CFAP20DC: variants seen among roughly 807,000 people sequenced by gnomAD.
CFAP20DC encodes protein CFAP20DC.
CFAP20DC carries 84 observed loss-of-function variants against 101.7 expected under a neutral mutation model. The ratio of observed to expected loss-of-function variants is 0.83; its 90% CI spans 0.69 to 0.99. The LOEUF (loss-of-function observed/expected upper bound fraction) is 0.99, where lower values mean the gene tolerates loss of function less well. Ranked by LOEUF, CFAP20DC falls within the 50% of genes least tolerant of loss-of-function variation. CFAP20DC has a pLI of 0.00. For missense variants in CFAP20DC, 1,007 were observed against 970.3 expected (o/e 1.04, Z -0.50); for synonymous variants, 359 against 351.2 (o/e 1.02, Z -0.25).
In CFAP20DC at chr3:59,049,685, T is replaced by A. The variant is rs1354858673; in HGVS notation, c.-54A>T. On this transcript the variant is annotated 5_prime_UTR_variant, in exon 1 of 17. Coordinates refer to ENST00000482387, the MANE Select transcript of CFAP20DC (RefSeq NM_001394063.1). ...CACAGAGTTCAGGGTTTCCAGCGAG[T>A]GGCGTGACCCTGACGGCTGGAAATC... The A allele has an allele frequency of 3.3e-6, 5 of 1,530,532 alleles. No homozygotes were observed. The African/African-American group carries it at 6.9e-5, about 21-fold the overall frequency. 94.8% of individuals were successfully genotyped at this position (1,530,532 alleles called of 1,614,324 possible). A position where few individuals can be genotyped will look rare whatever the true frequency, so the allele number is the denominator to read the frequency against.
chr3:59,003,970 A>G (rs2093372822), intron 4 of CFAP20DC, among the ~76,000 whole-genome samples: 1 of 152,180 alleles, frequency 6.6e-6, no homozygotes, highest in Non-Finnish European at 1.5e-5. Context: ...TCTCTTTGTG[A>G]AACATACCTA....
intron 12 of CFAP20DC, among the ~76,000 whole-genome samples, chr3:58,853,179 A>C (rs1213024604): frequency 6.6e-6 from 1 of 152,188 alleles, no homozygotes; most frequent in Non-Finnish European, 1.5e-5. Flanking sequence ...AGAAATACAA[A>C]CTACCATCAG....
intron 4 of CFAP20DC, among the ~76,000 whole-genome samples, chr3:58,979,509 T>A (rs1472693948): frequency 6.6e-6 from 1 of 152,198 alleles, no homozygotes; most frequent in African/African-American, 2.4e-5. Context: ...CCTTTGTTAA[T>A]CCAGCTTTCC....
chr3:58,773,670 AAC>A (rs2071062084), intron 15 of CFAP20DC, among the ~76,000 whole-genome samples: 1 of 152,376 alleles, frequency 6.6e-6, no homozygotes, highest in South Asian at 2.1e-4. Context: ...TTGCATAAAT[AAC>A]AGTTACTTTA....
rs1173268936 is a variant in CFAP20DC at position 58,980,168 on chromosome 3, G to C, written c.279-42406C>G. On this transcript the variant is annotated intron_variant, in intron 4 of 16. Coordinates refer to ENST00000482387, the MANE Select transcript of CFAP20DC (RefSeq NM_001394063.1). ...AATGCCATTGGCTTCCCACTACCGAGCTTGATAGCTCTTAATGCCTCTGTC... is the reference window on the plus strand; with the variant it reads ...AATGCCATTGGCTTCCCACTACCGACCTTGATAGCTCTTAATGCCTCTGTC... Among the ~76,000 whole-genome samples, 5 of 152,092 alleles carry C rather than the reference G, an allele frequency of 3.3e-5. No homozygotes were observed. The East Asian group carries it at 9.6e-4, about 29-fold the overall frequency.
rs994987183 is a variant in CFAP20DC, at chr3:58,858,403, C to T, written c.1593+5155G>A. On this transcript the variant is annotated intron_variant, in intron 12 of 16. Transcript: ENST00000482387. ...TGCTGAACTACATTTCTTAAAAGGACATGCAGATGGGCATTTAGACAATAA... is the reference window on the plus strand; with the variant it reads ...TGCTGAACTACATTTCTTAAAAGGATATGCAGATGGGCATTTAGACAATAA... 1.3e-5 allele frequency among the ~76,000 whole-genome samples: 2 copies of T among 152,270 alleles called. 1 individual carries two copies. The highest frequency in any genetic ancestry group is 4.1e-4 in the South Asian group (2 of 4,828).
chr3:58,974,044 A>C (rs2092119929), intron 4 of CFAP20DC, among the ~76,000 whole-genome samples: 1 of 152,032 alleles, frequency 6.6e-6, no homozygotes, highest in African/African-American at 2.4e-5. Flanking sequence ...GGAGCGGGCT[A>C]CCTCCCAGGA....
At chr3:58,808,602 G>A (rs2074324579) in intron 14 of CFAP20DC, among the ~76,000 whole-genome samples, 1 of 152,172 alleles carries the variant, frequency 6.6e-6, no homozygotes, top group African/African-American at 2.4e-5. Flanking sequence ...ACCAGCCACT[G>A]CAAAATCATG....
chr3:58,763,985 A>G (rs1323267974), intron 15 of CFAP20DC, among the ~76,000 whole-genome samples: 2 of 152,200 alleles, frequency 1.3e-5, no homozygotes, highest in African/African-American at 4.8e-5. Context: ...CTCAGGGGTC[A>G]GGGACCCACT....
intron 11 of CFAP20DC, among the ~76,000 whole-genome samples, chr3:58,865,263 G>T (rs559586467): frequency 2.6e-5 from 4 of 151,854 alleles, no homozygotes; most frequent in African/African-American, 9.7e-5. Context: ...AGCCTACAAT[G>T]CAAAAGCAAA....
At chr3:58,845,766 A>C (rs1452808453) in intron 13 of CFAP20DC, among the ~76,000 whole-genome samples, 5 of 149,952 alleles carry the variant, frequency 3.3e-5, no homozygotes, top group Non-Finnish European at 6.0e-5. Context: ...AATCCTCAAT[A>C]AAATACTGGC....
At chr3:58,808,331 A>T (rs534145000) in intron 14 of CFAP20DC, among the ~76,000 whole-genome samples, 18 of 152,348 alleles carry the variant, frequency 1.2e-4, no homozygotes, top group East Asian at 3.9e-4. Context: ...CGGGGTACCC[A>T]CAAAGGGAAG....
intron 15 of CFAP20DC, among the ~76,000 whole-genome samples, chr3:58,769,095 G>C (rs895827740): frequency 3.3e-5 from 5 of 152,234 alleles, no homozygotes; most frequent in African/African-American, 1.2e-4. Flanking sequence ...GAAAGCAAAA[G>C]GTGTGGAGAG....
chr3:58,776,752 A>T (rs13318204), intron 15 of CFAP20DC, among the ~76,000 whole-genome samples: 16,444 of 151,304 alleles, frequency 0.11, 1,570 homozygotes, highest in East Asian at 0.35. Context: ...TAAGAACTTA[A>T]GAGGATTGAG....
chr3:58,763,677 C>T lies in CFAP20DC; in HGVS notation c.2238-9814G>A, dbSNP rs555751803. 2.2e-3 allele frequency among the ~76,000 whole-genome samples: 331 copies of T among 152,058 alleles called. 4 individuals are homozygous for T. Among genetic ancestry groups the T allele is most frequent in the African/African-American group, 7.6e-3 (316 of 41,490 alleles). On this transcript the variant is annotated intron_variant, in intron 15 of 16. Transcript: ENST00000482387. ...TCCCCATCTTTGTGGTTTTATCTAC[C>T]TTTGGTCTTTGATGATGGTGATGTA...
chr3:58,992,554 T>C, intron 4 of CFAP20DC: 1 of 984,854 alleles, frequency 1.0e-6, no homozygotes, highest in Non-Finnish European at 1.2e-6. Context: ...ACTAATCTCA[T>C]TTGAATTGTC....
intron 12 of CFAP20DC, among the ~76,000 whole-genome samples, chr3:58,853,845 A>G (rs1477649985): frequency 7.9e-5 from 12 of 152,086 alleles, no homozygotes; most frequent in Non-Finnish European, 1.6e-4. Context: ...CAAAATAATA[A>G]GAGCTATCTA....
chr3:58,968,824 G>A (rs2091765075), intron 4 of CFAP20DC, among the ~76,000 whole-genome samples: 1 of 151,968 alleles, frequency 6.6e-6, no homozygotes, highest in African/African-American at 2.4e-5. Flanking sequence ...TGTTTTTCAG[G>A]GCTTTTATAG....
chr3:58,857,718 A>C (rs867844298), intron 12 of CFAP20DC, among the ~76,000 whole-genome samples: 2 of 152,202 alleles, frequency 1.3e-5, no homozygotes, highest in African/African-American at 4.8e-5. Flanking sequence ...ATAGGAGACT[A>C]TATTTGAGTA....
Sources: allele counts gnomAD v4.1 joint callset (sites outside exome capture counted in the v4.1 genomes callset), GRCh38; gene constraint gnomAD v4.1.1; transcripts MANE v1.5; gene names NCBI Gene and HGNC (gene_info 2026-07-23, HGNC 2026-07-21).